The following MAML2 variants were observed in gnomAD, a reference collection of about 807,000 sequenced individuals.
MAML2 encodes the protein mastermind like transcriptional coactivator 2.
Under a neutral mutation model 96.1 loss-of-function variants are expected in MAML2, and 22 were observed. The ratio of observed to expected loss-of-function variants is 0.23; its 90% CI spans 0.16 to 0.33. MAML2 has a LOEUF of 0.33. MAML2 is among the 10% of genes least tolerant of loss of function. The probability of loss-of-function intolerance (pLI) is 1.00; values close to 1 mark genes in which losing one functional copy is unlikely to be tolerated. For synonymous variants in MAML2, 561 were observed against 521.3 expected (o/e 1.08, Z -1.04); for missense variants, 1,367 against 1,392.4 (o/e 0.98, Z 0.29).
chr11:96,250,353 C>T (rs554671638), intron 1 of MAML2, among the ~76,000 whole-genome samples: 1 of 152,014 alleles, frequency 6.6e-6, no homozygotes, highest in African/African-American at 2.4e-5. Flanking sequence ...GTGCTCTGAT[C>T]AAGATAATTA....
intron 2 of MAML2, among the ~76,000 whole-genome samples, chr11:96,031,105 C>T (rs1272068994): frequency 2.6e-5 from 4 of 152,142 alleles, no homozygotes; most frequent in African/African-American, 9.7e-5. Flanking sequence ...ACGTACGTTT[C>T]CTAGGGTTAC....
At chr11:96,306,179 T>C (rs1863459266) in intron 1 of MAML2, among the ~76,000 whole-genome samples, 1 of 152,170 alleles carries the variant, frequency 6.6e-6, no homozygotes, top group Non-Finnish European at 1.5e-5. Flanking sequence ...CTTTGATCAC[T>C]GCACGAGCCC....
chr11:96,014,781 A>G (rs943641768), intron 2 of MAML2, among the ~76,000 whole-genome samples: 2 of 152,230 alleles, frequency 1.3e-5, no homozygotes, highest in South Asian at 4.1e-4. Flanking sequence ...ACTTAAATCA[A>G]TTACAAGTTA....
chr11:96,027,560 G>A (rs1372158395), intron 2 of MAML2, among the ~76,000 whole-genome samples: 1 of 152,146 alleles, frequency 6.6e-6, no homozygotes, highest in Non-Finnish European at 1.5e-5. Flanking sequence ...AGGACTAGGT[G>A]CAGTGGGACC....
intron 2 of MAML2, among the ~76,000 whole-genome samples, chr11:96,065,021 G>A (rs1357824521): frequency 6.6e-6 from 1 of 152,164 alleles, no homozygotes; most frequent in Admixed American, 6.6e-5. Context: ...ACAAAGTACT[G>A]TGTTCTTAAA....
At chr11:96,232,182 C>T (rs757675630) in intron 1 of MAML2, among the ~76,000 whole-genome samples, 3 of 152,142 alleles carry the variant, frequency 2.0e-5, no homozygotes, top group Non-Finnish European at 4.4e-5. Flanking sequence ...TGTGGTCTTC[C>T]CTAAGCATCA....
chr11:96,244,125 G>A (rs1279707119), intron 1 of MAML2, among the ~76,000 whole-genome samples: 1 of 152,170 alleles, frequency 6.6e-6, no homozygotes, highest in African/African-American at 2.4e-5. Context: ...ACTTGGGGCT[G>A]TGCGGCCTAA....
chr11:96,256,824 T>C (rs988097929), intron 1 of MAML2, among the ~76,000 whole-genome samples: 2 of 152,188 alleles, frequency 1.3e-5, no homozygotes, highest in African/African-American at 4.8e-5. Flanking sequence ...CTGCAATACA[T>C]CTGGTTTGAC....
At chr11:96,340,290 T>TC (rs1863974487) in intron 1 of MAML2, among the ~76,000 whole-genome samples, 1 of 152,210 alleles carries the variant, frequency 6.6e-6, no homozygotes, top group Non-Finnish European at 1.5e-5. Context: ...CATGGCCATT[T>TC]CCTGTCGCTT....
In MAML2 at chr11:95,979,979, G is replaced by T. The variant is rs369830704; in HGVS notation, c.2456-16C>A. 5 of 1,596,572 alleles carry T rather than the reference G, an allele frequency of 3.1e-6. No individual in the cohort carries two copies. Among genetic ancestry groups the T allele is most frequent in the Middle Eastern group, 1.7e-4 (1 of 5,966 alleles). ...GATGAGCCACCTGAGAAAAAGAAGA[G>T]AATTTTATTAGTTCGTAGCAGCATG... On this transcript the variant is annotated splice_polypyrimidine_tract_variant and intron_variant, in intron 4 of 4. Coordinates refer to ENST00000524717, the MANE Select transcript of MAML2 (RefSeq NM_032427.4).
chr11:96,101,470 A>G (rs1322688116), intron 1 of MAML2, among the ~76,000 whole-genome samples: 1 of 152,220 alleles, frequency 6.6e-6, no homozygotes, highest in Non-Finnish European at 1.5e-5. Flanking sequence ...ATCAAGACAA[A>G]TGGGAAGCTG....
At position 95,976,943 on chromosome 11, in the gene MAML2, A is replaced by G. The variant is rs1857659877; in HGVS notation, c.*2005T>C. The G allele has an allele frequency of 5.1e-6, 1 of 196,230 alleles. No individual in the cohort carries two copies. Among genetic ancestry groups the G allele is most frequent in the Non-Finnish European group, 1.1e-5 (1 of 94,548 alleles). The allele number at this position is 196,230 out of a possible 1,614,324, so 12.2% of individuals were successfully genotyped here. A position where few individuals can be genotyped will look rare whatever the true frequency, so the allele number is the denominator to read the frequency against. On this transcript the variant is annotated 3_prime_UTR_variant, in exon 5 of 5. Coordinates refer to ENST00000524717, the MANE Select transcript of MAML2 (RefSeq NM_032427.4). Reference sequence around the variant, plus strand: ...CAAGGACCAATACAATGTGCACAGCAGAAGAATCAAATAAGACACAAGAAC... The same window carrying G: ...CAAGGACCAATACAATGTGCACAGCGGAAGAATCAAATAAGACACAAGAAC...
chr11:96,315,117 A>T (rs962369279), intron 1 of MAML2, among the ~76,000 whole-genome samples: 1 of 152,216 alleles, frequency 6.6e-6, no homozygotes, highest in African/African-American at 2.4e-5. Context: ...TAAAGAGTAT[A>T]TTAAAGAGGA....
chr11:96,079,568 T>G (rs548375281), intron 2 of MAML2, among the ~76,000 whole-genome samples: 1 of 152,348 alleles, frequency 6.6e-6, no homozygotes, highest in East Asian at 1.9e-4. Context: ...AAATTATTTC[T>G]ATTTCCTAGA....
intron 1 of MAML2, among the ~76,000 whole-genome samples, chr11:96,132,586 T>C (rs1351977684): frequency 6.6e-6 from 1 of 152,208 alleles, no homozygotes; most frequent in South Asian, 2.1e-4. Flanking sequence ...TTCATGTGTG[T>C]TTGCCTTGTT....
intron 1 of MAML2, among the ~76,000 whole-genome samples, chr11:96,126,992 A>G (rs1171022404): frequency 2.6e-5 from 4 of 152,196 alleles, no homozygotes; most frequent in Non-Finnish European, 5.9e-5. Context: ...ACAGGCTGCC[A>G]TAGAACACAG....
Position 96,218,233 on chromosome 11 carries a change from C to T in MAML2, c.513+123150G>A, listed in dbSNP as rs111905843. Among the ~76,000 whole-genome samples, 1,126 of 152,310 alleles carry T rather than the reference C, an allele frequency of 7.4e-3. 8 individuals carry two copies. The highest frequency in any genetic ancestry group is 0.013 in the Non-Finnish European group (887 of 68,022). On this transcript the variant is annotated intron_variant, in intron 1 of 4. Coordinates refer to ENST00000524717, the MANE Select transcript of MAML2 (RefSeq NM_032427.4). Reference sequence around the variant, plus strand: ...GAAGGCAGCTGTAACGCAGCTGTAACCCTGGCTTTGACTTGGTTTAAAGGC... The same window carrying T: ...GAAGGCAGCTGTAACGCAGCTGTAATCCTGGCTTTGACTTGGTTTAAAGGC...
intron 2 of MAML2, among the ~76,000 whole-genome samples, chr11:96,069,882 G>A (rs1859313526): frequency 6.6e-6 from 1 of 151,828 alleles, no homozygotes; most frequent in Admixed American, 6.6e-5. Flanking sequence ...AATTAGCTGG[G>A]TGTGGTGGTG....
intron 2 of MAML2, among the ~76,000 whole-genome samples, chr11:96,021,679 C>A (rs1858437455): frequency 6.6e-6 from 1 of 152,164 alleles, no homozygotes; most frequent in African/African-American, 2.4e-5. Flanking sequence ...CACCTATAGT[C>A]CAAGAGTGAC....
Sources: allele counts gnomAD v4.1 joint callset (sites outside exome capture counted in the v4.1 genomes callset), GRCh38; gene constraint gnomAD v4.1.1; transcripts MANE v1.5; gene names NCBI Gene and HGNC (gene_info 2026-07-23, HGNC 2026-07-21).